The following RNF217 variants were observed in gnomAD, a reference collection of about 807,000 sequenced individuals.
The protein encoded by RNF217 is ring finger protein 217.
Under a neutral mutation model 57.8 loss-of-function variants are expected in RNF217, and 31 were observed. That is an observed-to-expected ratio of 0.54 (90% CI 0.40 to 0.72). The LOEUF (loss-of-function observed/expected upper bound fraction) is 0.72, where lower values mean the gene tolerates loss of function less well. RNF217 is among the 30% of genes least tolerant of loss of function. RNF217 has a pLI of 0.00. For synonymous variants in RNF217, 313 were observed against 294.0 expected (o/e 1.06, Z -0.66); for missense variants, 696 against 708.3 (o/e 0.98, Z 0.20).
chr6:124,969,557 A>G (rs1284976362), intron 1 of RNF217, among the ~76,000 whole-genome samples: 3 of 152,196 alleles, frequency 2.0e-5, no homozygotes, highest in South Asian at 4.1e-4. Context: ...GCAAGTTTTT[A>G]CAAATAGTAA....
At chr6:125,000,778 G>A (rs563866580) in intron 1 of RNF217, among the ~76,000 whole-genome samples, 58 of 152,080 alleles carry the variant, frequency 3.8e-4, no homozygotes, top group Non-Finnish European at 7.2e-4. Context: ...GCAGTGTGCC[G>A]TATTACTGGA....
chr6:124,986,563 T>C (rs561714058), intron 1 of RNF217, among the ~76,000 whole-genome samples: 31 of 152,346 alleles, frequency 2.0e-4, no homozygotes, highest in Non-Finnish European at 4.0e-4. Context: ...ATAGACTTTT[T>C]AAAAGTTGAA....
rs145293258 is a variant in RNF217 at position 125,085,907 on chromosome 6, G to C, written c.*2970G>C. 6.6e-6 allele frequency: 1 copy of C among 151,802 alleles called. No individual in the cohort carries two copies. The highest frequency in any genetic ancestry group is 1.5e-5 in the Non-Finnish European group (1 of 67,846). The allele number at this position is 151,802 out of a possible 1,614,324, so 9.4% of individuals were successfully genotyped here. A position where few individuals can be genotyped will look rare whatever the true frequency, so the allele number is the denominator to read the frequency against. ...TATTAATAGATACCTTTCCATAAGC[G>C]TTTAAATAGATTTACCTCATTCTTT... is the stretch of plus-strand genomic sequence containing the variant. On this transcript the variant is annotated 3_prime_UTR_variant, in exon 6 of 6. Transcript: ENST00000521654.
intron 2 of RNF217, among the ~76,000 whole-genome samples, chr6:125,048,440 G>A (rs555304353): frequency 2.0e-4 from 30 of 151,980 alleles, no homozygotes; most frequent in Non-Finnish European, 3.5e-4. Context: ...AATGTCTGAC[G>A]TTTCTGTGCA....
chr6:125,021,195 G>C (rs184310039), intron 1 of RNF217, among the ~76,000 whole-genome samples: 1 of 152,048 alleles, frequency 6.6e-6, no homozygotes, highest in African/African-American at 2.4e-5. Flanking sequence ...GTTTAACTGT[G>C]GTTCCTCTAC....
At chr6:125,018,123 A>T (rs569275132) in intron 1 of RNF217, among the ~76,000 whole-genome samples, 29 of 152,308 alleles carry the variant, frequency 1.9e-4, no homozygotes, top group African/African-American at 7.0e-4. Context: ...TTATAGAGAC[A>T]TGGTATGAGG....
intron 1 of RNF217, among the ~76,000 whole-genome samples, chr6:124,987,883 G>A (rs1046452873): frequency 2.6e-5 from 4 of 152,148 alleles, no homozygotes; most frequent in African/African-American, 9.7e-5. Context: ...ACATTCTGCG[G>A]TTTGTTGTGA....
chr6:125,045,483 T>A, intron 2 of RNF217, 39 bp downstream of exon 2: 1 of 1,506,212 alleles, frequency 6.6e-7, no homozygotes, highest in Non-Finnish European at 9.2e-7. Context: ...AGATGTCACA[T>A]GGCAGAAGCA....
chr6:125,065,906 G>A lies in RNF217; in HGVS notation c.1281+7800G>A, dbSNP rs182756085. Among the ~76,000 whole-genome samples the A allele has an allele frequency of 3.7e-4, 56 of 152,194 alleles. 1 individual carries two copies. The highest frequency in any genetic ancestry group is 2.3e-3 in the Admixed American group (35 of 15,292). ...AAATAGCTACTCAACATCTTCAACC[G>A]GATCTAATAGACTTCTCCAACGCAG... On this transcript the variant is annotated intron_variant, in intron 3 of 5. Coordinates refer to ENST00000521654, the MANE Select transcript of RNF217 (RefSeq NM_001286398.3).
intron 1 of RNF217, among the ~76,000 whole-genome samples, chr6:125,013,541 T>C (rs1295535634): frequency 5.0e-5 from 7 of 138,690 alleles, no homozygotes; most frequent in African/African-American, 1.7e-4. Context: ...GAGGCCAGAA[T>C]ATGTCTGGGA....
chr6:125,074,195 C>T (rs1351991598), intron 3 of RNF217, among the ~76,000 whole-genome samples: 1 of 152,046 alleles, frequency 6.6e-6, no homozygotes, highest in African/African-American at 2.4e-5. Flanking sequence ...GTATGAAGTG[C>T]CCGCCTGTAA....
At chr6:124,997,505 A>G (rs1436253709) in intron 1 of RNF217, among the ~76,000 whole-genome samples, 1 of 152,202 alleles carries the variant, frequency 6.6e-6, no homozygotes, top group Non-Finnish European at 1.5e-5. Flanking sequence ...GGCAAATCCG[A>G]AAAATGTTCA....
chr6:124,993,490 A>T (rs753640165), intron 1 of RNF217, among the ~76,000 whole-genome samples: 1 of 152,190 alleles, frequency 6.6e-6, no homozygotes, highest in Non-Finnish European at 1.5e-5. Flanking sequence ...GAATAAGATC[A>T]TTCCTCAGTT....
rs1786869827 is a variant in RNF217 at position 125,041,249 on chromosome 6, T to G, written c.883-3962T>G. Among the ~76,000 whole-genome samples, 2 of 152,104 alleles carry G rather than the reference T, an allele frequency of 1.3e-5. 1 individual carries two copies. The highest frequency in any genetic ancestry group is 2.9e-5 in the Non-Finnish European group (2 of 67,996). ...GATTCCACTTCCAAAATACACCCTG[T>G]ATCTTGTTACCTCTCAGTCATCTAT... On this transcript the variant is annotated intron_variant, in intron 1 of 5. Transcript: ENST00000521654.
In RNF217 at chr6:125,037,225, T is replaced by C. The variant is rs1182325145; in HGVS notation, c.883-7986T>C. Among the ~76,000 whole-genome samples, 4 of 152,190 alleles carry C rather than the reference T, an allele frequency of 2.6e-5. No individual in the cohort carries two copies. In the East Asian group the frequency reaches 7.7e-4, roughly 29 times the overall value. ...TCCTATAGCTCTATGATCAGTCTTATTTCTGGCAGAAAAAGTTTTACAACT... is the reference window on the plus strand; with the variant it reads ...TCCTATAGCTCTATGATCAGTCTTACTTCTGGCAGAAAAAGTTTTACAACT... On this transcript the variant is annotated intron_variant, in intron 1 of 5. Transcript: ENST00000521654.
chr6:124,970,768 T>C (rs897574161), intron 1 of RNF217, among the ~76,000 whole-genome samples: 10 of 152,120 alleles, frequency 6.6e-5, no homozygotes, highest in African/African-American at 1.9e-4. Context: ...GTCTGGGACA[T>C]CAGAAAGAAG....
chr6:125,070,554 G>A (rs541611804), intron 3 of RNF217, among the ~76,000 whole-genome samples: 2 of 152,196 alleles, frequency 1.3e-5, no homozygotes, highest in East Asian at 1.9e-4. Flanking sequence ...GGAGTAAGGT[G>A]GTATCTCATT....
At chr6:125,023,384 T>C (rs1447591763) in intron 1 of RNF217, among the ~76,000 whole-genome samples, 1 of 152,176 alleles carries the variant, frequency 6.6e-6, no homozygotes, top group African/African-American at 2.4e-5. Context: ...AAGGGCATTA[T>C]TGAAGTATTT....
chr6:125,004,887 A>G (rs775342251), intron 1 of RNF217, among the ~76,000 whole-genome samples: 1 of 152,192 alleles, frequency 6.6e-6, no homozygotes, highest in Non-Finnish European at 1.5e-5. Context: ...TTTTGCTGCT[A>G]TAACAGAATA....
Sources: gnomAD v4.1 joint callset for allele counts (sites outside exome capture counted in the v4.1 genomes callset) on GRCh38, gnomAD v4.1.1 for gene constraint, MANE v1.5 for transcripts, NCBI Gene and HGNC (gene_info 2026-07-23, HGNC 2026-07-21) for gene names.